UBAC2: variants seen among roughly 807,000 people sequenced by gnomAD.
UBAC2 encodes ubiquitin-associated domain-containing protein 2.
A neutral mutation model predicts 44.0 loss-of-function variants in UBAC2; 26 were observed. The observed-to-expected ratio is 0.59, with a 90% confidence interval of 0.43 to 0.82. UBAC2 has a LOEUF of 0.82. Among genes scored for constraint, UBAC2 ranks in the 40% least tolerant of loss-of-function variants. The pLI is 0.00. For synonymous variants in UBAC2, 155 were observed against 154.3 expected (o/e 1.00, Z -0.04); for missense variants, 329 against 419.4 (o/e 0.78, Z 1.88).
chr13:99,208,671 C>G (rs534522871), intron 1 of UBAC2, among the ~76,000 whole-genome samples: 1 of 152,180 alleles, frequency 6.6e-6, no homozygotes, highest in East Asian at 1.9e-4. Flanking sequence ...CTGGTGCGTT[C>G]GGCTCCTCTC....
At position 99,295,712 on chromosome 13, in the gene UBAC2, A is replaced by G. The variant is rs776461577; in HGVS notation, c.390-18385A>G. On this transcript the variant is annotated intron_variant, in intron 4 of 8. Coordinates refer to ENST00000403766, the MANE Select transcript of UBAC2 (RefSeq NM_001144072.2). The surrounding 1 kb of genome is among the most constrained non-coding windows in gnomAD (Gnocchi z 4.1). ...TATGCACACGCCTTTTGCATGTTCA[A>G]TCCTTTTTATCTTGTTGTAGCGTAG... The G allele has an allele frequency of 3.7e-6, 6 of 1,614,136 alleles. No homozygotes were observed. Among genetic ancestry groups the G allele is most frequent in the South Asian group, 1.1e-5 (1 of 91,072 alleles).
intron 8 of UBAC2, chr13:99,377,098 G>A (rs1220262954): frequency 6.6e-6 from 1 of 152,324 alleles, no homozygotes; most frequent in African/African-American, 2.4e-5. Context: ...TCCTCCACAT[G>A]TTTATTGGTC....
At chr13:99,355,721 C>T (rs971836161) in intron 7 of UBAC2, among the ~76,000 whole-genome samples, 3 of 152,244 alleles carry the variant, frequency 2.0e-5, no homozygotes, top group Non-Finnish European at 2.9e-5. Flanking sequence ...CAAACGAGAG[C>T]CAGGACGCAG....
intron 4 of UBAC2, among the ~76,000 whole-genome samples, chr13:99,280,779 A>G (rs1056596138): frequency 1.3e-5 from 2 of 151,994 alleles, no homozygotes; most frequent in Admixed American, 1.3e-4. Context: ...GTCTCTGCTA[A>G]TGTCCTTTTT....
intron 1 of UBAC2, among the ~76,000 whole-genome samples, chr13:99,202,089 A>G (rs1330639812): frequency 2.0e-5 from 3 of 152,048 alleles, no homozygotes; most frequent in African/African-American, 7.2e-5. Flanking sequence ...AAAAAAAAAA[A>G]AAAAAGATCT....
At chr13:99,242,152 C>CA (rs201744264) in intron 2 of UBAC2, among the ~76,000 whole-genome samples, 2 of 152,016 alleles carry the variant, frequency 1.3e-5, no homozygotes, top group Admixed American at 6.5e-5. Context: ...TACACAGAGA[C>CA]GGCAACCATC....
At chr13:99,285,905 G>A (rs2044013282) in intron 4 of UBAC2, among the ~76,000 whole-genome samples, 1 of 151,980 alleles carries the variant, frequency 6.6e-6, no homozygotes, top group South Asian at 2.1e-4. Flanking sequence ...ACATCCAACG[G>A]GGTGCCAGAG....
At position 99,351,479 on chromosome 13, in the gene UBAC2, T is replaced by C. The variant is rs1163673841; in HGVS notation, c.807+10914T>C. ...CTAAAATGTTTACCACCTGGCCCTT[T>C]ACAGAAAAATATTTGCCAGTCCCTG... On this transcript the variant is annotated intron_variant, in intron 7 of 8. Transcript: ENST00000403766. 4.0e-5 allele frequency: 18 copies of C among 454,742 alleles called. No homozygotes were observed. The East Asian group carries it at 6.3e-4, about 16-fold the overall frequency. The allele number at this position is 454,742 out of a possible 1,614,324, so 28.2% of individuals were successfully genotyped here.
chr13:99,255,751 A>T, intron 4 of UBAC2: 1 of 1,614,108 alleles, frequency 6.2e-7, no homozygotes. Flanking sequence ...TAATGCAGTG[A>T]TGTTAACAAA....
At chr13:99,243,277 T>C (rs1478724541) in intron 2 of UBAC2, among the ~76,000 whole-genome samples, 1 of 151,280 alleles carries the variant, frequency 6.6e-6, no homozygotes, top group Non-Finnish European at 1.5e-5. Flanking sequence ...TATATGTTTT[T>C]TATGCAGCCA....
intron 1 of UBAC2, among the ~76,000 whole-genome samples, chr13:99,201,840 G>A (rs1341220226): frequency 2.0e-5 from 3 of 152,116 alleles, no homozygotes; most frequent in Admixed American, 2.0e-4. Flanking sequence ...GGGAGGCCGA[G>A]GTGGGCGGAT....
At chr13:99,328,466 G>A (rs1410001911) in intron 6 of UBAC2, among the ~76,000 whole-genome samples, 1 of 152,192 alleles carries the variant, frequency 6.6e-6, no homozygotes, top group African/African-American at 2.4e-5. Context: ...CACCATCGAT[G>A]TTTGAAACTT....
chr13:99,371,952 AG>A (rs1276568408), intron 8 of UBAC2, among the ~76,000 whole-genome samples: 2 of 152,234 alleles, frequency 1.3e-5, no homozygotes, highest in African/African-American at 4.8e-5. Context: ...GCTGTTATTA[AG>A]ATTCAAGATT....
At chr13:99,366,706 G>A (rs2045335776) in intron 7 of UBAC2, among the ~76,000 whole-genome samples, 1 of 151,936 alleles carries the variant, frequency 6.6e-6, no homozygotes, top group Non-Finnish European at 1.5e-5. Context: ...GCTCAAAATT[G>A]CTGCCTCTTT....
At chr13:99,338,039 C>CTTTTTTCTTT (rs1566509471) in intron 6 of UBAC2, among the ~76,000 whole-genome samples, 63 of 91,560 alleles carry the variant, frequency 6.9e-4, no homozygotes, top group African/African-American at 2.0e-3. Flanking sequence ...AACTTTTTTT[C>CTTTTTTCTTT]TTTTTTTCTT....
In UBAC2 at chr13:99,385,419, C is replaced by A; in HGVS notation, c.*84C>A. On this transcript the variant is annotated 3_prime_UTR_variant, in exon 9 of 9. Transcript: ENST00000403766. Reference sequence around the variant, plus strand: ...CCATCAGATCAGCCCGGGGACCGAGCATCTCTGGTGCTGATGTTCTTGTGG... The same window carrying A: ...CCATCAGATCAGCCCGGGGACCGAGAATCTCTGGTGCTGATGTTCTTGTGG... 1.8e-6 allele frequency: 2 copies of A among 1,102,360 alleles called. No individual in the cohort carries two copies. The highest frequency in any genetic ancestry group is 2.7e-6 in the Non-Finnish European group (2 of 734,056). The allele number at this position is 1,102,360 out of a possible 1,614,324, so 68.3% of individuals were successfully genotyped here. A position where few individuals can be genotyped will look rare whatever the true frequency, so the allele number is the denominator to read the frequency against.
intron 1 of UBAC2, among the ~76,000 whole-genome samples, chr13:99,220,182 C>T (rs1372537525): frequency 1.3e-5 from 2 of 152,158 alleles, no homozygotes; most frequent in Non-Finnish European, 2.9e-5. Flanking sequence ...TATCATAGTT[C>T]CTTCTTATAT....
At chr13:99,315,865 T>C (rs1007038223) in intron 5 of UBAC2, among the ~76,000 whole-genome samples, 2 of 152,132 alleles carry the variant, frequency 1.3e-5, no homozygotes, top group African/African-American at 4.8e-5. Flanking sequence ...AAAGGGGGTC[T>C]TAGTTGGATG....
chr13:99,289,616 C>CT (rs796842817), intron 4 of UBAC2, among the ~76,000 whole-genome samples: 53 of 149,468 alleles, frequency 3.5e-4, no homozygotes, highest in African/African-American at 6.9e-4. Context: ...GTGTATTGGT[C>CT]TTTTTTTTTT....
Sources: gnomAD v4.1 joint callset for allele counts (sites outside exome capture counted in the v4.1 genomes callset) on GRCh38, gnomAD v4.1.1 for gene constraint, Gnocchi (gnomAD v3.1) non-coding constraint, MANE v1.5 for transcripts, NCBI Gene and HGNC (gene_info 2026-07-23, HGNC 2026-07-21) for gene names.